Variants in NFATC1 observed in about 807,000 individuals in gnomAD.
NFATC1 encodes nuclear factor of activated T-cells, cytoplasmic 1.
In NFATC1, 22 loss-of-function variants were observed where a neutral mutation model predicts 76.0. The observed-to-expected ratio is 0.29, with a 90% CI of 0.21 to 0.41. The LOEUF is 0.41. NFATC1 is among the 10% of genes least tolerant of loss of function. NFATC1 has a pLI of 1.00. For synonymous variants in NFATC1, 704 were observed against 613.1 expected (o/e 1.15, Z -2.19); for missense variants, 1,357 against 1,337.7 (o/e 1.01, Z -0.23).
rs540481554 is a variant in NFATC1, at chr18:79,467,275, G to A, written c.1960-175G>A. 2.6e-4 allele frequency among the ~76,000 whole-genome samples: 40 copies of A among 152,326 alleles called. 1 individual carries two copies. Among genetic ancestry groups the A allele is most frequent in the African/African-American group, 2.9e-4 (12 of 41,554 alleles). On this transcript the variant is annotated intron_variant, in intron 7 of 9. Coordinates refer to ENST00000427363, the MANE Select transcript of NFATC1 (RefSeq NM_001278669.2). The stretch of plus-strand genomic sequence containing the variant: ...CCAGGTGGCTGCTTGGGAGTTTACC[G>A]TCACGGCAGTCCTGTGCTGCCGTGG...
chr18:79,420,614 G>A (rs568512525), intron 2 of NFATC1, among the ~76,000 whole-genome samples: 2 of 151,550 alleles, frequency 1.3e-5, no homozygotes, highest in African/African-American at 4.9e-5. Flanking sequence ...AGACGTCGCT[G>A]CAGAGGGGAA....
chr18:79,404,349 C>T (rs866108609), intron 1 of NFATC1, among the ~76,000 whole-genome samples: 24 of 152,328 alleles, frequency 1.6e-4, no homozygotes, highest in Middle Eastern at 6.8e-3. Context: ...GTTGGGGGAA[C>T]GGCGTCTGGG....
rs947531846 is a variant in NFATC1 at position 79,465,137 on chromosome 18, C to T, written c.1960-2313C>T. On this transcript the variant is annotated intron_variant, in intron 7 of 9. Transcript: ENST00000427363. This position sits in a 1 kb window ranked among gnomAD's most constrained non-coding sequence, Gnocchi z 4.2. Reference sequence around the variant, plus strand: ...GTAGGTGCTGGTGCCATTTGGAACCCGTATTTTTTCCGGTACAGACGAGTT... The same window carrying T: ...GTAGGTGCTGGTGCCATTTGGAACCTGTATTTTTTCCGGTACAGACGAGTT... 4.6e-5 allele frequency among the ~76,000 whole-genome samples: 7 copies of T among 152,142 alleles called. No individual in the cohort carries two copies. Among genetic ancestry groups the T allele is most frequent in the African/African-American group, 7.2e-5 (3 of 41,418 alleles).
intron 8 of NFATC1, among the ~76,000 whole-genome samples, chr18:79,476,745 T>C (rs1293642803): frequency 6.6e-6 from 1 of 152,172 alleles, no homozygotes; most frequent in East Asian, 1.9e-4. Flanking sequence ...AACAAAAGCA[T>C]CTGGGCCCGT....
intron 9 of NFATC1, chr18:79,516,013 G>T (rs1478852050): frequency 6.6e-6 from 1 of 151,490 alleles, no homozygotes; most frequent in African/African-American, 2.4e-5. Flanking sequence ...CTCGGTGGGG[G>T]GCGGAAGGAC....
chr18:79,428,645 G>C (rs778335296), intron 2 of NFATC1, among the ~76,000 whole-genome samples: 1 of 152,228 alleles, frequency 6.6e-6, no homozygotes, highest in Non-Finnish European at 1.5e-5. Context: ...TGATTAGATT[G>C]TTTCTGAATA....
intron 2 of NFATC1, among the ~76,000 whole-genome samples, chr18:79,431,067 C>G (rs1030236477): frequency 1.3e-5 from 2 of 152,214 alleles, no homozygotes; most frequent in Non-Finnish European, 2.9e-5. Context: ...CTTGGAGATT[C>G]CTCTGTCAGG....
intron 3 of NFATC1, among the ~76,000 whole-genome samples, chr18:79,438,225 C>A (rs2144696366): frequency 6.6e-6 from 1 of 152,354 alleles, no homozygotes; most frequent in East Asian, 1.9e-4. Flanking sequence ...GCTCTCTTTG[C>A]CGTGGACTGC....
intron 8 of NFATC1, among the ~76,000 whole-genome samples, chr18:79,481,508 G>A (rs1293835753): frequency 6.6e-6 from 1 of 152,234 alleles, no homozygotes; most frequent in Non-Finnish European, 1.5e-5. Context: ...AGGCAGTCCT[G>A]GGGCTCTGCC....
At chr18:79,443,033 G>A (rs2087044114) in intron 3 of NFATC1, among the ~76,000 whole-genome samples, 1 of 152,216 alleles carries the variant, frequency 6.6e-6, no homozygotes, top group Non-Finnish European at 1.5e-5. Context: ...TGTTGAAACA[G>A]CCCTTCCCGG....
chr18:79,520,861 G>GT (rs61725841), intron 9 of NFATC1, among the ~76,000 whole-genome samples: 3 of 38,602 alleles, frequency 7.8e-5, no homozygotes, highest in Non-Finnish European at 2.0e-4. Flanking sequence ...GTGTATGTGT[G>GT]GGGGGGGCAT....
chr18:79,521,360 A>ATGTG (rs1173356903), intron 9 of NFATC1, among the ~76,000 whole-genome samples: 2 of 59,822 alleles, frequency 3.3e-5, no homozygotes, highest in Non-Finnish European at 2.9e-5. Flanking sequence ...GCATCCACTG[A>ATGTG]TGTGTGTGTG....
At chr18:79,481,325 C>G (rs924355536) in intron 8 of NFATC1, among the ~76,000 whole-genome samples, 1 of 152,272 alleles carries the variant, frequency 6.6e-6, no homozygotes, top group Admixed American at 6.5e-5. Context: ...GCTCTGTAGT[C>G]TCCAGACAGC....
intron 2 of NFATC1, among the ~76,000 whole-genome samples, chr18:79,415,985 C>A (rs1229666964): frequency 6.6e-6 from 1 of 152,198 alleles, no homozygotes; most frequent in African/African-American, 2.4e-5. Context: ...TCATTTGAAC[C>A]CAGGAGGCGG....
At chr18:79,471,125 T>G (rs1280697231) in intron 8 of NFATC1, among the ~76,000 whole-genome samples, 1 of 151,982 alleles carries the variant, frequency 6.6e-6, no homozygotes, top group Non-Finnish European at 1.5e-5. Flanking sequence ...TCTGTCACTG[T>G]TTTTGTGTAA....
chr18:79,515,222 G>A (rs2090349418), intron 9 of NFATC1, among the ~76,000 whole-genome samples: 1 of 151,098 alleles, frequency 6.6e-6, no homozygotes, highest in Admixed American at 6.6e-5. Flanking sequence ...GCAGGTTCCT[G>A]TAATCCCAGC....
At chr18:79,471,548 C>G (rs774483935) in intron 8 of NFATC1, among the ~76,000 whole-genome samples, 2 of 152,218 alleles carry the variant, frequency 1.3e-5, no homozygotes, top group Non-Finnish European at 2.9e-5. Context: ...GGCCCCTGAG[C>G]TGGGGACACG....
rs1002018552 is a variant in NFATC1, at chr18:79,527,751, A to G, written c.*174A>G. The G allele has an allele frequency of 4.8e-6, 3 of 619,816 alleles. No homozygotes were observed. The highest frequency in any genetic ancestry group is 5.6e-5 in the Admixed American group (2 of 35,430). 38.4% of individuals were successfully genotyped at this position (619,816 alleles called of 1,614,324 possible). A position where few individuals can be genotyped will look rare whatever the true frequency, so the allele number is the denominator to read the frequency against. On this transcript the variant is annotated 3_prime_UTR_variant, in exon 10 of 10. Transcript: ENST00000427363. Reference sequence around the variant, plus strand: ...TTGGCTCTCCAACAAGAAGGAAAGCAGGGAGGAAGGGAGACCACTGTGTCA... The same window carrying G: ...TTGGCTCTCCAACAAGAAGGAAAGCGGGGAGGAAGGGAGACCACTGTGTCA...
At chr18:79,496,687 GACTC>G (rs2089895743) in intron 9 of NFATC1, 1 of 152,294 alleles carries the variant, frequency 6.6e-6, no homozygotes, top group Non-Finnish European at 1.5e-5. Context: ...AATGCTGAGA[GACTC>G]ACTCCTGAGG....
Sources: gnomAD v4.1 joint callset for allele counts (sites outside exome capture counted in the v4.1 genomes callset) on GRCh38, gnomAD v4.1.1 for gene constraint, Gnocchi (gnomAD v3.1) non-coding constraint, MANE v1.5 for transcripts, NCBI Gene and HGNC (gene_info 2026-07-23, HGNC 2026-07-21) for gene names.